The following THSD7B variants were observed in gnomAD, a reference collection of about 807,000 sequenced individuals.
THSD7B encodes the protein thrombospondin type-1 domain-containing protein 7B.
THSD7B carries 138 observed loss-of-function variants against 213.6 expected under a neutral mutation model. The observed-to-expected ratio is 0.65, with a 90% CI of 0.56 to 0.74. The LOEUF is 0.74. Among genes scored for constraint, THSD7B ranks in the 30% least tolerant of loss-of-function variants. The pLI, the probability that THSD7B is intolerant of heterozygous loss-of-function variation, is 0.00. For synonymous variants in THSD7B, 742 were observed against 687.0 expected, an observed-to-expected ratio of 1.08 and a Z score of -1.25; for missense variants, 1,931 against 1,991.5, an observed-to-expected ratio of 0.97 and a Z score of 0.58.
rs544933447 is a variant in THSD7B, at chr2:136,800,828, A to C, written c.-36+35141A>C. ...TAACTTCTCAATTTTTTTTCTCCTA[A>C]AGTTTCTTGCATCTCAGATAACACA... is the stretch of plus-strand genomic sequence containing the variant. On this transcript the variant is annotated intron_variant, in intron 1 of 27. Coordinates refer to ENST00000409968, the MANE Select transcript of THSD7B (RefSeq NM_001316349.2). Among the ~76,000 whole-genome samples the C allele has an allele frequency of 9.9e-5, 15 of 151,442 alleles. No individual in the cohort carries two copies. In the South Asian group the frequency reaches 1.5e-3, roughly 15 times the overall value.
intron 4 of THSD7B, among the ~76,000 whole-genome samples, chr2:137,102,803 C>T (rs1688176801): frequency 6.6e-6 from 1 of 151,940 alleles, no homozygotes; most frequent in Non-Finnish European, 1.5e-5. Context: ...TGAAGATCAA[C>T]TTAATGAAAT....
intron 6 of THSD7B, among the ~76,000 whole-genome samples, chr2:137,169,815 T>C (rs1455488823): frequency 1.3e-5 from 2 of 152,144 alleles, no homozygotes; most frequent in Non-Finnish European, 2.9e-5. Flanking sequence ...TCCTTCTTTA[T>C]TAGGTCACTT....
intron 12 of THSD7B, among the ~76,000 whole-genome samples, chr2:137,283,508 C>G (rs1409651483): frequency 6.6e-6 from 1 of 152,104 alleles, no homozygotes; most frequent in African/African-American, 2.4e-5. Flanking sequence ...CAGTTTTTGT[C>G]CATTCAGTAT....
intron 11 of THSD7B, among the ~76,000 whole-genome samples, chr2:137,273,025 TACAC>T (rs71877881): frequency 0.35 from 49,575 of 140,678 alleles, 8,664 homozygotes; most frequent in South Asian, 0.48. Flanking sequence ...GGAGAAGGAA[TACAC>T]ACACACACAC....
At chr2:136,880,633 G>T (rs1436809146) in intron 1 of THSD7B, among the ~76,000 whole-genome samples, 1 of 152,060 alleles carries the variant, frequency 6.6e-6, no homozygotes, top group African/African-American at 2.4e-5. Context: ...ATCTAAGTTT[G>T]CAGTCTTTCT....
At chr2:137,472,018 T>C (rs1688102819) in intron 15 of THSD7B, among the ~76,000 whole-genome samples, 1 of 152,216 alleles carries the variant, frequency 6.6e-6, no homozygotes, top group South Asian at 2.1e-4. Flanking sequence ...GCTTAGTTCT[T>C]AGATGGAAAT....
At chr2:137,626,086 T>A (rs959037012) in intron 20 of THSD7B, among the ~76,000 whole-genome samples, 5 of 152,164 alleles carry the variant, frequency 3.3e-5, no homozygotes, top group Non-Finnish European at 7.4e-5. Context: ...GCAGTGGTGC[T>A]CCAGTCATGT....
intron 7 of THSD7B, among the ~76,000 whole-genome samples, chr2:137,230,398 C>A (rs1681608803): frequency 6.6e-6 from 1 of 152,062 alleles, no homozygotes; most frequent in Non-Finnish European, 1.5e-5. Context: ...TTTTTGAGTA[C>A]AGTTATTTTT....
intron 1 of THSD7B, among the ~76,000 whole-genome samples, chr2:136,807,151 T>G (rs1486086416): frequency 2.6e-5 from 4 of 152,148 alleles, no homozygotes; most frequent in African/African-American, 9.7e-5. Flanking sequence ...CCCCCTCTTC[T>G]ATATGGTGCC....
At chr2:136,959,454 T>C (rs972763274) in intron 2 of THSD7B, among the ~76,000 whole-genome samples, 1 of 152,256 alleles carries the variant, frequency 6.6e-6, no homozygotes, top group Non-Finnish European at 1.5e-5. Flanking sequence ...AATTTACTAT[T>C]TCACTTTTGC....
At chr2:137,500,014 G>A (rs1679663999) in intron 15 of THSD7B, among the ~76,000 whole-genome samples, 1 of 152,158 alleles carries the variant, frequency 6.6e-6, no homozygotes, top group African/African-American at 2.4e-5. Context: ...GACTATAGCA[G>A]TATGTAATCC....
At chr2:137,404,470 T>TACACACACACACAC (rs1188350163) in intron 12 of THSD7B, among the ~76,000 whole-genome samples, 5 of 62,538 alleles carry the variant, frequency 8.0e-5, no homozygotes, top group African/African-American at 3.3e-4. Context: ...TATATATATA[T>TACACACACACACAC]ATATACACAC....
At chr2:137,462,823 A>G (rs975374144) in intron 15 of THSD7B, among the ~76,000 whole-genome samples, 1 of 139,160 alleles carries the variant, frequency 7.2e-6, no homozygotes, top group Non-Finnish European at 1.5e-5. Context: ...CAATTCACGT[A>G]TGCCAAAGAG....
At chr2:136,832,328 C>A (rs1313880318) in intron 1 of THSD7B, among the ~76,000 whole-genome samples, 1 of 152,040 alleles carries the variant, frequency 6.6e-6, no homozygotes, top group Non-Finnish European at 1.5e-5. Context: ...GTAGTTCCAA[C>A]TGAGTTTGAA....
intron 14 of THSD7B, among the ~76,000 whole-genome samples, chr2:137,422,006 A>G (rs2889092): frequency 0.99 from 150,119 of 152,340 alleles, 73,991 homozygotes; most frequent in Non-Finnish European, 1. Flanking sequence ...GTTTTTCACC[A>G]TACCAGAATA....
intron 1 of THSD7B, among the ~76,000 whole-genome samples, chr2:136,859,178 A>G (rs1159855533): frequency 6.6e-6 from 1 of 152,234 alleles, no homozygotes; most frequent in Non-Finnish European, 1.5e-5. Context: ...ACCAGGAGTC[A>G]TAAGTCTTCA....
chr2:136,875,760 T>G (rs1573682806), intron 1 of THSD7B, among the ~76,000 whole-genome samples: 1 of 152,212 alleles, frequency 6.6e-6, no homozygotes, highest in Admixed American at 6.5e-5. Context: ...TGTTCTAGAC[T>G]GCTGAGGAAG....
intron 21 of THSD7B, among the ~76,000 whole-genome samples, chr2:137,645,526 T>C (rs1051043553): frequency 1.3e-5 from 2 of 152,204 alleles, no homozygotes; most frequent in African/African-American, 4.8e-5. Context: ...TGGCTGTTGT[T>C]GTCGAAGGTA....
At chr2:137,604,890 A>T (rs1558856938) in intron 17 of THSD7B, among the ~76,000 whole-genome samples, 1 of 152,232 alleles carries the variant, frequency 6.6e-6, no homozygotes, top group Non-Finnish European at 1.5e-5. Flanking sequence ...ATATCCCAGT[A>T]GTATTTCTTA....
Sources: gnomAD v4.1 joint callset for allele counts (sites outside exome capture counted in the v4.1 genomes callset) on GRCh38, gnomAD v4.1.1 for gene constraint, MANE v1.5 for transcripts, NCBI Gene and HGNC (gene_info 2026-07-23, HGNC 2026-07-21) for gene names.